Variants in SEM1 observed in about 807,000 individuals in gnomAD.
SEM1 encodes SEM1 26S proteasome subunit.
SEM1 carries 3 observed loss-of-function variants against 12.7 expected under a neutral mutation model. That is an observed-to-expected ratio of 0.24 (90% CI 0.11 to 0.61). SEM1 has a LOEUF of 0.61. Among genes scored for constraint, SEM1 ranks in the 20% least tolerant of loss-of-function variants. SEM1 has a pLI of 0.88. For missense variants in SEM1, 59 were observed against 81.3 expected (o/e 0.73, Z 1.06); for synonymous variants, 30 against 27.8 (o/e 1.08, Z -0.25).
intron 2 of SEM1, among the ~76,000 whole-genome samples, chr7:96,546,859 A>G (rs1805117450): frequency 6.6e-6 from 1 of 152,112 alleles, no homozygotes. Context: ...CTCAGTGGTC[A>G]TTATTCTATA....
intron 2 of SEM1, among the ~76,000 whole-genome samples, chr7:96,589,373 T>C (rs1276032003): frequency 6.6e-6 from 1 of 152,182 alleles, no homozygotes; most frequent in Non-Finnish European, 1.5e-5. Flanking sequence ...GGCTGTGCTC[T>C]TCGGTCACTG....
intron 1 of SEM1, among the ~76,000 whole-genome samples, chr7:96,709,328 C>G (rs1281578456): frequency 6.6e-6 from 1 of 152,168 alleles, no homozygotes; most frequent in African/African-American, 2.4e-5. Context: ...CAAAGAAAGA[C>G]TGCTAAAACA....
At chr7:96,576,514 AT>A (rs1367767366) in intron 2 of SEM1, among the ~76,000 whole-genome samples, 2 of 152,118 alleles carry the variant, frequency 1.3e-5, no homozygotes, top group African/African-American at 4.8e-5. Flanking sequence ...CCTCCTAATA[AT>A]TTGAAAGGTG....
At chr7:96,515,025 G>A (rs760936053) in intron 2 of SEM1, among the ~76,000 whole-genome samples, 1 of 152,086 alleles carries the variant, frequency 6.6e-6, no homozygotes, top group Non-Finnish European at 1.5e-5. Flanking sequence ...AGACACTATG[G>A]TATTGGTGAA....
intron 2 of SEM1, among the ~76,000 whole-genome samples, chr7:96,660,035 G>C (rs1412605946): frequency 6.6e-6 from 1 of 151,838 alleles, no homozygotes; most frequent in East Asian, 1.9e-4. Flanking sequence ...AAAACCTACT[G>C]TTGATTATAA....
chr7:96,534,210 T>C (rs1003088103), intron 2 of SEM1, among the ~76,000 whole-genome samples: 1 of 152,030 alleles, frequency 6.6e-6, no homozygotes, highest in African/African-American at 2.4e-5. Flanking sequence ...GGAAAACAAC[T>C]GAGAGTATTT....
chr7:96,513,777 GGAGATCATGC>G (rs1406355110), intron 2 of SEM1, among the ~76,000 whole-genome samples: 10 of 152,114 alleles, frequency 6.6e-5, no homozygotes, highest in African/African-American at 2.4e-4. Flanking sequence ...TGCAGTATGT[GGAGATCATGC>G]CACTGAACTC....
chr7:96,486,483 C>T (rs892118542), intron 1 of SEM1: 8 of 1,241,384 alleles, frequency 6.4e-6, no homozygotes, highest in Admixed American at 4.0e-5. Context: ...GAGGCGGGCA[C>T]CTGTTCCACC....
At chr7:96,525,684 C>T (rs2115674940) in intron 2 of SEM1, among the ~76,000 whole-genome samples, 1 of 152,242 alleles carries the variant, frequency 6.6e-6, no homozygotes, top group East Asian at 1.9e-4. Flanking sequence ...TGGCCCCAGG[C>T]TGGAATTGGG....
intron 1 of SEM1, among the ~76,000 whole-genome samples, chr7:96,492,834 C>G (rs1282431493): frequency 1.3e-5 from 2 of 151,390 alleles, no homozygotes; most frequent in East Asian, 3.9e-4. Flanking sequence ...CTTCAATGGA[C>G]ATTTTGGTTG....
downstream of SEM1, among the ~76,000 whole-genome samples, chr7:96,620,090 T>C (rs1457068252): frequency 1.3e-5 from 2 of 152,150 alleles, no homozygotes; most frequent in African/African-American, 4.8e-5. Context: ...CTGATCCTCC[T>C]TAGCAGCAGC....
chr7:96,583,238 T>G (rs1806482838), intron 2 of SEM1, among the ~76,000 whole-genome samples: 1 of 148,920 alleles, frequency 6.7e-6, no homozygotes, highest in Non-Finnish European at 1.5e-5. Context: ...TATCCAGTAG[T>G]CATTCAGGAG....
chr7:96,637,982 A>T (rs1808479673), intron 2 of SEM1, among the ~76,000 whole-genome samples: 1 of 151,952 alleles, frequency 6.6e-6, no homozygotes, highest in Non-Finnish European at 1.5e-5. Flanking sequence ...TTCTAGAGCA[A>T]CCCTGTCACA....
chr7:96,625,767 T>C (rs578118864), intron 2 of SEM1, among the ~76,000 whole-genome samples: 9 of 152,330 alleles, frequency 5.9e-5, no homozygotes, highest in African/African-American at 2.2e-4. Context: ...TTCTTAAATT[T>C]GGCTACACTT....
chr7:96,706,672 C>T (rs1371820169), intron 1 of SEM1, among the ~76,000 whole-genome samples: 1 of 150,836 alleles, frequency 6.6e-6, no homozygotes, highest in Non-Finnish European at 1.5e-5. Flanking sequence ...TATTCTTATG[C>T]AAGATGGGAT....
intron 1 of SEM1, among the ~76,000 whole-genome samples, chr7:96,704,630 A>C (rs1263781124): frequency 6.6e-6 from 1 of 152,176 alleles, no homozygotes; most frequent in Non-Finnish European, 1.5e-5. Context: ...TTTTTTCTTA[A>C]AAATTTTTAG....
intron 2 of SEM1, among the ~76,000 whole-genome samples, chr7:96,665,786 GT>G (rs1239104696): frequency 1.3e-5 from 2 of 152,152 alleles, no homozygotes; most frequent in Non-Finnish European, 2.9e-5. Context: ...GGTTTTTAAG[GT>G]CTCCAAGTGA....
intron 2 of SEM1, among the ~76,000 whole-genome samples, chr7:96,681,303 C>A (rs904873077): frequency 6.6e-6 from 1 of 151,956 alleles, no homozygotes; most frequent in African/African-American, 2.4e-5. Context: ...TTCAACAATG[C>A]GGTGTTTTTT....
intron 2 of SEM1, among the ~76,000 whole-genome samples, chr7:96,512,656 C>T (rs1376377382): frequency 6.6e-6 from 1 of 152,188 alleles, no homozygotes; most frequent in East Asian, 1.9e-4. Context: ...GAACTGCTAT[C>T]CTTAGGAATG....
Sources: gnomAD v4.1 joint callset for allele counts (sites outside exome capture counted in the v4.1 genomes callset) on GRCh38, gnomAD v4.1.1 for gene constraint, MANE v1.5 for transcripts, NCBI Gene and HGNC (gene_info 2026-07-23, HGNC 2026-07-21) for gene names.